Variants in TRPV3 observed in about 807,000 individuals in gnomAD.
TRPV3 encodes VRL-3.
A neutral mutation model predicts 87.1 loss-of-function variants in TRPV3; 88 were observed. The observed-to-expected ratio is 1.01, with a 90% CI of 0.85 to 1.21. The LOEUF is 1.21. TRPV3 is among the 50% of genes most tolerant of loss of function. The pLI, the probability that TRPV3 is intolerant of heterozygous loss-of-function variation, is 0.00. For synonymous variants in TRPV3, 438 were observed against 423.3 expected (o/e 1.03, Z -0.43); for missense variants, 1,054 against 1,030.1 (o/e 1.02, Z -0.32).
Position 3,518,491 on chromosome 17 carries a change from C to A in TRPV3, c.2085+85G>T. 6 of 1,446,608 alleles carry A rather than the reference C, an allele frequency of 4.1e-6. No individual in the cohort carries two copies. The highest frequency in any genetic ancestry group is 1.4e-5 in the African/African-American group (1 of 70,484). The allele number at this position is 1,446,608 out of a possible 1,614,324, so 89.6% of individuals were successfully genotyped here. A position where few individuals can be genotyped will look rare whatever the true frequency, so the allele number is the denominator to read the frequency against. ...CAGATTCTCAGGCCCCACCTCAGAC[C>A]CACTGGTGCTGACAGTAGTCAATGA... is the stretch of plus-strand genomic sequence containing the variant. On this transcript the variant is annotated intron_variant, in intron 15 of 17. Transcript: ENST00000576742. This position sits in a 1 kb window ranked among gnomAD's most constrained non-coding sequence, Gnocchi z 4.3.
intron 12 of TRPV3, among the ~76,000 whole-genome samples, chr17:3,526,369 T>C (rs112236917): frequency 0.023 from 3,489 of 151,956 alleles, 120 homozygotes; most frequent in African/African-American, 0.079. Flanking sequence ...TCCCAGCTAC[T>C]CAGGAGGCTG....
chr17:3,529,714 C>T (rs1000305225), intron 9 of TRPV3, among the ~76,000 whole-genome samples: 9 of 152,030 alleles, frequency 5.9e-5, no homozygotes, highest in African/African-American at 1.9e-4. Context: ...AAGGATCAAC[C>T]CCAATCACCC....
intron 2 of TRPV3, among the ~76,000 whole-genome samples, chr17:3,545,591 G>T (rs1477501290): frequency 2.0e-5 from 3 of 152,066 alleles, no homozygotes; most frequent in Non-Finnish European, 4.4e-5. Flanking sequence ...ACAAGCCCCA[G>T]TAGGATCTGT....
Position 3,543,629 on chromosome 17 carries a change from C to T in TRPV3, c.312-1G>A, listed in dbSNP as rs1216822417. Reference sequence around the variant, plus strand: ...CTGCTCTTCCTTGGCCAGCTGTGCACTGAAGCCAGAAAATGTTTCCAACTC... The same window carrying T: ...CTGCTCTTCCTTGGCCAGCTGTGCATTGAAGCCAGAAAATGTTTCCAACTC... On this transcript the variant is annotated splice_acceptor_variant, in intron 4 of 17. Coordinates refer to ENST00000576742, the MANE Select transcript of TRPV3 (RefSeq NM_145068.4). LOFTEE classifies it high-confidence loss of function. 1.9e-6 allele frequency: 3 copies of T among 1,614,012 alleles called. No individual in the cohort carries two copies. Among genetic ancestry groups the T allele is most frequent in the Non-Finnish European group, 1.7e-6 (2 of 1,179,972 alleles).
intron 16 of TRPV3, among the ~76,000 whole-genome samples, chr17:3,515,033 G>T (rs1470188823): frequency 6.6e-6 from 1 of 152,156 alleles, no homozygotes; most frequent in Admixed American, 6.5e-5. Flanking sequence ...CCACGAGGGT[G>T]TGAAGATTAA....
intron 6 of TRPV3, among the ~76,000 whole-genome samples, chr17:3,536,157 G>C (rs1023837275): frequency 1.3e-5 from 2 of 152,196 alleles, no homozygotes; most frequent in South Asian, 4.1e-4. Flanking sequence ...TCATCAGCCA[G>C]GGCAAGAGGG....
intron 8 of TRPV3, among the ~76,000 whole-genome samples, chr17:3,532,054 C>T (rs886942262): frequency 1.3e-5 from 2 of 152,232 alleles, no homozygotes; most frequent in African/African-American, 4.8e-5. Context: ...CTGAGAAGAA[C>T]ATCTCAGACC....
Position 3,528,744 on chromosome 17 carries a change from T to C in TRPV3, c.1401+93A>G, listed in dbSNP as rs2074322383. On this transcript the variant is annotated intron_variant, in intron 10 of 17. Transcript: ENST00000576742. This position sits in a 1 kb window ranked among gnomAD's most constrained non-coding sequence, Gnocchi z 4.2. ...GGACCCCGCCCAATCTCCTGGTCTC[T>C]CTGGGCCTCAGTTTTCCCACCTGCA... 1 of 1,492,428 alleles carries C rather than the reference T, an allele frequency of 6.7e-7. No homozygotes were observed. The highest frequency in any genetic ancestry group is 1.9e-5 in the Admixed American group (1 of 53,930). 92.4% of individuals were successfully genotyped at this position (1,492,428 alleles called of 1,614,324 possible).
Position 3,512,438 on chromosome 17 carries a change from TGCACTGCTA to T in TRPV3, c.*1470_*1478del. ...CCAGGGCAGAGAAACTGGCCCAGAGTGCACTGCTAGGCCCCGACTCTTCAGTTTGCCTCA... is the reference window on the plus strand; with the variant it reads ...CCAGGGCAGAGAAACTGGCCCAGAGTGGCCCCGACTCTTCAGTTTGCCTCA... On this transcript the variant is annotated 3_prime_UTR_variant, in exon 18 of 18. Coordinates refer to ENST00000576742, the MANE Select transcript of TRPV3 (RefSeq NM_145068.4). 6.6e-6 allele frequency: 1 copy of T among 152,128 alleles called. No homozygotes were observed. Among genetic ancestry groups the T allele is most frequent in the Admixed American group, 6.5e-5 (1 of 15,278 alleles). The allele number at this position is 152,128 out of a possible 1,614,324, so 9.4% of individuals were successfully genotyped here. A position where few individuals can be genotyped will look rare whatever the true frequency, so the allele number is the denominator to read the frequency against.
At position 3,554,598 on chromosome 17, in the gene TRPV3, C is replaced by G; in HGVS notation, c.119+134G>C. 3.0e-6 allele frequency: 2 copies of G among 659,300 alleles called. 1 individual carries two copies. Among genetic ancestry groups the G allele is most frequent in the South Asian group, 3.7e-5 (2 of 53,714 alleles). 40.8% of individuals were successfully genotyped at this position (659,300 alleles called of 1,614,324 possible). A position where few individuals can be genotyped will look rare whatever the true frequency, so the allele number is the denominator to read the frequency against. On this transcript the variant is annotated intron_variant, in intron 2 of 17. Transcript: ENST00000576742. ...GCACCATCCCCTAGTCATACCTCGC[C>G]GGGCACCGGGCCACCCCGGGCGAGA...
rs889661978 is a variant in TRPV3, at chr17:3,535,672, C to A, written c.685G>T (p.Asp229Tyr). 3.8e-6 allele frequency: 6 copies of A among 1,593,002 alleles called. No homozygotes were observed. The highest frequency in any genetic ancestry group is 5.1e-6 in the Non-Finnish European group (6 of 1,171,902). The change falls in exon 7 of 18, where the codon GAC becomes TAC. Residue 229 changes from aspartate to tyrosine, a missense_variant. Coordinates refer to ENST00000576742, the MANE Select transcript of TRPV3 (RefSeq NM_145068.4). ...GCGGCGATGAGCAGGGCTGCGATGT[C>A]CCCCTGCCGCCGCTCGATGGCGATG... ...LNIAIERRQG[D>Y]IAALLIAAGA...
intron 6 of TRPV3, among the ~76,000 whole-genome samples, chr17:3,539,844 A>C (rs2074442820): frequency 6.6e-6 from 1 of 152,174 alleles, no homozygotes; most frequent in Non-Finnish European, 1.5e-5. Context: ...AAATGCTTTA[A>C]AATGATATGA....
At chr17:3,547,048 C>G (rs963245098) in intron 2 of TRPV3, among the ~76,000 whole-genome samples, 1 of 151,970 alleles carries the variant, frequency 6.6e-6, no homozygotes, top group Non-Finnish European at 1.5e-5. Context: ...TGCGGGTGGC[C>G]TAACACTTGA....
At chr17:3,543,692 C>G in intron 4 of TRPV3, 64 bp from the exon 5 acceptor site, 3 of 1,594,000 alleles carry the variant, frequency 1.9e-6, no homozygotes, top group Non-Finnish European at 2.6e-6. Flanking sequence ...TCTCCTTTTC[C>G]CCGCCAGAGC....
At chr17:3,551,130 G>T (rs944530217) in intron 2 of TRPV3, among the ~76,000 whole-genome samples, 1 of 152,204 alleles carries the variant, frequency 6.6e-6, no homozygotes, top group Non-Finnish European at 1.5e-5. Context: ...GAAAAGCCCC[G>T]AAGGCAGAAC....
At chr17:3,534,029 G>T (rs1292598196) in intron 7 of TRPV3, among the ~76,000 whole-genome samples, 1 of 152,080 alleles carries the variant, frequency 6.6e-6, no homozygotes, top group African/African-American at 2.4e-5. Context: ...CTCACATGAG[G>T]TCACACAGCA....
In TRPV3 at chr17:3,532,841, G is replaced by T. The variant is rs1085307103; in HGVS notation, c.881C>A (p.Ser294Ter). 6.2e-7 allele frequency: 1 copy of T among 1,614,244 alleles called. No individual in the cohort carries two copies. The highest frequency in any genetic ancestry group is 2.2e-5 in the East Asian group (1 of 44,894). The change falls in exon 8 of 18, where the codon TCA becomes TAA. Residue 294 changes from serine (S) to a stop codon, truncating the protein, a stop_gained. Transcript: ENST00000576742. LOFTEE classifies it high-confidence loss of function. The part of the protein sequence containing the change: ...HEQTDITSRD[S>*]RGNNILHALV... Reference sequence around the variant, plus strand: ...GGCGTGAAGGATGTTGTTGCCTCGTGAGTCCCGCGAGGTGATGTCCGTCTG... The same window carrying T: ...GGCGTGAAGGATGTTGTTGCCTCGTTAGTCCCGCGAGGTGATGTCCGTCTG...
chr17:3,524,275 C>T lies in TRPV3; in HGVS notation c.1666G>A (p.Ala556Thr), dbSNP rs768651179. Residue 556 changes from alanine (A) to threonine (T), a missense_variant, in exon 13 of 18, where the codon GCC becomes ACC. By Grantham distance (58) the Ala-to-Thr change is moderately conservative. Transcript: ENST00000576742. ...TAGAGCATGTTCGCCCAGCCCAGGG[C>T]CATGGCCAGCACGAGGCAGGCGAGG... is the stretch of plus-strand genomic sequence containing the variant. ...EYLACLVLAM[A>T]LGWANMLYYT... The T allele has an allele frequency of 3.2e-5, 52 of 1,614,108 alleles. No homozygotes were observed. Among genetic ancestry groups the T allele is most frequent in the South Asian group, 2.0e-4 (18 of 91,088 alleles).
chr17:3,539,952 G>A (rs1403380390), intron 6 of TRPV3, among the ~76,000 whole-genome samples: 3 of 151,892 alleles, frequency 2.0e-5, no homozygotes, highest in Non-Finnish European at 2.9e-5. Flanking sequence ...GCAGTTGCCT[G>A]TAGTCCCAGC....
Sources: allele counts gnomAD v4.1 joint callset (sites outside exome capture counted in the v4.1 genomes callset), GRCh38; gene constraint gnomAD v4.1.1; non-coding constraint Gnocchi (gnomAD v3.1); transcripts MANE v1.5; gene names NCBI Gene and HGNC (gene_info 2026-07-23, HGNC 2026-07-21).